EIF2AK1: variants seen among roughly 807,000 people sequenced by gnomAD.
EIF2AK1 encodes eukaryotic translation initiation factor 2 alpha kinase 1.
Under a neutral mutation model 77.9 loss-of-function variants are expected in EIF2AK1, and 54 were observed. That is an observed-to-expected ratio of 0.69 (90% CI 0.56 to 0.87). EIF2AK1 has a LOEUF of 0.87. EIF2AK1 is among the 40% of genes least tolerant of loss of function. The pLI, the probability that EIF2AK1 is intolerant of heterozygous loss-of-function variation, is 0.00. For missense variants in EIF2AK1, 810 were observed against 768.6 expected (o/e 1.05, Z -0.64); for synonymous variants, 314 against 290.5 (o/e 1.08, Z -0.82).
intron 4 of EIF2AK1, 184 bp from the exon 5 acceptor site, chr7:6,047,275 AC>A: frequency 1.4e-6 from 1 of 714,492 alleles, no homozygotes; most frequent in Non-Finnish European, 2.6e-6. Flanking sequence ...CAGGTGTTTT[AC>A]CAGTAACGGG....
In EIF2AK1 at chr7:6,024,516, G is replaced by A; in HGVS notation, c.*157C>T. On this transcript the variant is annotated 3_prime_UTR_variant, in exon 15 of 15. Transcript: ENST00000199389. ...GGAAATTCAGGAAAAGGAGCTTGTG[G>A]GGCAGGAAGGGAAGGAACGGCAGCT... 6.9e-7 allele frequency: 1 copy of A among 1,439,246 alleles called. No homozygotes were observed. The allele number at this position is 1,439,246 out of a possible 1,614,324, so 89.2% of individuals were successfully genotyped here.
At chr7:6,044,422 A>G (rs1788389432) in intron 7 of EIF2AK1, 140 bp downstream of exon 7, 1 of 643,630 alleles carries the variant, frequency 1.6e-6, no homozygotes, top group Non-Finnish European at 2.6e-6. Context: ...TGGGCGACAG[A>G]GTGAGACTCC....
chr7:6,035,920 T>C lies in EIF2AK1; in HGVS notation c.1332+1504A>G. The C allele has an allele frequency of 3.2e-6, 5 of 1,547,394 alleles. No individual in the cohort carries two copies. The highest frequency in any genetic ancestry group is 4.4e-6 in the Non-Finnish European group (5 of 1,144,938). ...GCGGGGGTCAGCTGCATCCGTCTGCTACTCACTCACGGAGCCAAAGTCAAC... is the reference window on the plus strand; with the variant it reads ...GCGGGGGTCAGCTGCATCCGTCTGCCACTCACTCACGGAGCCAAAGTCAAC... On this transcript the variant is annotated intron_variant, in intron 11 of 14. Transcript: ENST00000199389. This position sits in a 1 kb window ranked among gnomAD's most constrained non-coding sequence, Gnocchi z 5.5.
chr7:6,023,102 C>G lies in EIF2AK1; in HGVS notation c.*1571G>C, dbSNP rs1157705856. ...AATACCAGGAATGACTCTTTGGTTA[C>G]TTTTTTAACATAGTTTGCACTTAAA... On this transcript the variant is annotated 3_prime_UTR_variant, in exon 15 of 15. Transcript: ENST00000199389. The G allele has an allele frequency of 1.6e-6, 1 of 610,444 alleles. No individual in the cohort carries two copies. Among genetic ancestry groups the G allele is most frequent in the African/African-American group, 1.9e-5 (1 of 53,770 alleles). 37.8% of individuals were successfully genotyped at this position (610,444 alleles called of 1,614,324 possible). A position where few individuals can be genotyped will look rare whatever the true frequency, so the allele number is the denominator to read the frequency against.
intron 8 of EIF2AK1, among the ~76,000 whole-genome samples, chr7:6,041,861 T>C (rs1045264909): frequency 1.5e-5 from 2 of 137,560 alleles, no homozygotes; most frequent in African/African-American, 5.4e-5. Flanking sequence ...AAAAAGCCAA[T>C]GTATAGGTCT....
intron 1 of EIF2AK1, chr7:6,058,132 G>C (rs1195804885): frequency 4.4e-6 from 2 of 455,676 alleles, no homozygotes; most frequent in Non-Finnish European, 8.8e-6. Flanking sequence ...CTTGGGGGCT[G>C]AGAGTGGTGG....
Position 6,029,032 on chromosome 7 carries a change from G to T in EIF2AK1, c.1333C>A (p.Pro445Thr). The stretch of plus-strand genomic sequence containing the variant: ...GGGCCATGAAGAAAAATATTTCTTG[G>T]CTATCAACAAACAAAACAAGTCAAC... ...NMGIVHRDLK[P>T]RNIFLHGPDQ... Residue 445 changes from proline to threonine, a missense_variant and splice_region_variant, in exon 12 of 15, where the codon CCA (proline) becomes ACA (threonine). Around this residue, in one of 3 missense-constraint regions of EIF2AK1, gnomAD observed 549 missense variants for 533.7 expected, o/e 1.03. Coordinates refer to ENST00000199389, the MANE Select transcript of EIF2AK1 (RefSeq NM_014413.4). The T allele has an allele frequency of 6.2e-7, 1 of 1,605,296 alleles. No individual in the cohort carries two copies. The highest frequency in any genetic ancestry group is 8.5e-7 in the Non-Finnish European group (1 of 1,176,330).
chr7:6,035,326 C>T lies in EIF2AK1; in HGVS notation c.1332+2098G>A, dbSNP rs1788046006. 4 of 1,027,142 alleles carry T rather than the reference C, an allele frequency of 3.9e-6. No individual in the cohort carries two copies. Among genetic ancestry groups the T allele is most frequent in the Non-Finnish European group, 5.6e-6 (4 of 716,510 alleles). The allele number at this position is 1,027,142 out of a possible 1,614,324, so 63.6% of individuals were successfully genotyped here. A position where few individuals can be genotyped will look rare whatever the true frequency, so the allele number is the denominator to read the frequency against. The stretch of plus-strand genomic sequence containing the variant: ...AGCGATACAGATTTTGAAACACGTC[C>T]TTAAGGTAATTGAAGGGTCTTACTT... On this transcript the variant is annotated intron_variant, in intron 11 of 14. Coordinates refer to ENST00000199389, the MANE Select transcript of EIF2AK1 (RefSeq NM_014413.4). This position sits in a 1 kb window ranked among gnomAD's most constrained non-coding sequence, Gnocchi z 5.5.
intron 11 of EIF2AK1, among the ~76,000 whole-genome samples, chr7:6,029,500 A>T (rs1281839703): frequency 2.6e-5 from 4 of 152,102 alleles, no homozygotes; most frequent in African/African-American, 9.7e-5. Flanking sequence ...TCTCAAAAAA[A>T]AAAAAACCTC....
rs1424271658 is a variant in EIF2AK1, at chr7:6,036,102, G to A, written c.1332+1322C>T. The A allele has an allele frequency of 3.9e-6, 6 of 1,550,894 alleles. No individual in the cohort carries two copies. In the East Asian group the frequency reaches 1.5e-4, roughly 38 times the overall value. ...TATGTACCTTCAGCGCAGTTGCAAT[G>A]TAAGAGATACGGCACTTCTGGCCAG... On this transcript the variant is annotated intron_variant, in intron 11 of 14. Transcript: ENST00000199389. The surrounding 1 kb of genome is among the most constrained non-coding windows in gnomAD (Gnocchi z 4.6).
Position 6,035,460 on chromosome 7 carries a change from A to G in EIF2AK1, c.1332+1964T>C. ...CCATTCTAGGGACACGACAGGCCTC[A>G]CCACACTCAACTTAATGCTACTGCA... On this transcript the variant is annotated intron_variant, in intron 11 of 14. Transcript: ENST00000199389. This position sits in a 1 kb window ranked among gnomAD's most constrained non-coding sequence, Gnocchi z 5.5. 1.9e-6 allele frequency: 3 copies of G among 1,550,564 alleles called. No individual in the cohort carries two copies. Among genetic ancestry groups the G allele is most frequent in the South Asian group, 1.2e-5 (1 of 84,054 alleles).
In EIF2AK1 at chr7:6,058,978, G is replaced by A. The variant is rs750754783; in HGVS notation, c.106C>T (p.Pro36Ser). 9 of 1,538,582 alleles carry A rather than the reference G, an allele frequency of 5.8e-6. No individual in the cohort carries two copies. The East Asian group carries it at 1.4e-4, about 23-fold the overall frequency. The change falls in exon 1 of 15, where the codon CCC (proline) becomes TCC (serine). Residue 36 changes from proline (P) to serine (S), a missense_variant. Coordinates refer to ENST00000199389, the MANE Select transcript of EIF2AK1 (RefSeq NM_014413.4). ...AIDFPAEGPDPEYDESDVPAE... is the reference protein window; with the variant it reads ...AIDFPAEGPDSEYDESDVPAE... The stretch of plus-strand genomic sequence containing the variant: ...TCCGATCCCTCACCGTCATATTCGG[G>A]GTCCGGGCCCTCGGCGGGAAAGTCG...
chr7:6,024,164 C>A lies in EIF2AK1; in HGVS notation c.*509G>T. The A allele has an allele frequency of 7.8e-7, 1 of 1,281,880 alleles. No individual in the cohort carries two copies. Among genetic ancestry groups the A allele is most frequent in the Non-Finnish European group, 1.0e-6 (1 of 984,542 alleles). The allele number at this position is 1,281,880 out of a possible 1,614,324, so 79.4% of individuals were successfully genotyped here. A position where few individuals can be genotyped will look rare whatever the true frequency, so the allele number is the denominator to read the frequency against. On this transcript the variant is annotated 3_prime_UTR_variant, in exon 15 of 15. Coordinates refer to ENST00000199389, the MANE Select transcript of EIF2AK1 (RefSeq NM_014413.4). ...AAGGTTGGAAGTTGCACACTGTACA[C>A]TGTTAAGAAGTTGAGCTTTTATCTT...
Position 6,023,749 on chromosome 7 carries a change from A to G in EIF2AK1, c.*924T>C, listed in dbSNP as rs548198703. On this transcript the variant is annotated 3_prime_UTR_variant, in exon 15 of 15. Transcript: ENST00000199389. ...TTAAGAATGGTGCTCTTTCATGCCT[A>G]TTATCAGTAAGGGGACTTGTATTAG... 8.1e-6 allele frequency: 13 copies of G among 1,612,740 alleles called. No homozygotes were observed. Among genetic ancestry groups the G allele is most frequent in the East Asian group, 2.2e-5 (1 of 44,884 alleles).
chr7:6,055,489 C>G (rs1048420768), intron 1 of EIF2AK1, among the ~76,000 whole-genome samples: 1 of 151,838 alleles, frequency 6.6e-6, no homozygotes, highest in Non-Finnish European at 1.5e-5. Flanking sequence ...AAGTGTTCAT[C>G]CTCATTTTAC....
At chr7:6,046,423 T>C (rs1161795867) in intron 5 of EIF2AK1, 2 of 227,136 alleles carry the variant, frequency 8.8e-6, no homozygotes, top group Non-Finnish European at 1.7e-5. Context: ...ACAACTTTTT[T>C]TGGTAACACA....
intron 9 of EIF2AK1, 129 bp downstream of exon 9, chr7:6,040,763 G>A: frequency 6.5e-6 from 5 of 772,876 alleles, no homozygotes; most frequent in Non-Finnish European, 1.1e-5. Context: ...ATGGCAAGGG[G>A]AACATGGCCA....
chr7:6,046,239 C>A, intron 5 of EIF2AK1, 88 bp from the exon 6 acceptor site: 1 of 657,534 alleles, frequency 1.5e-6, no homozygotes, highest in East Asian at 3.3e-5. Context: ...TTAGACAATC[C>A]AAACTAGCCA....
At position 6,028,970 on chromosome 7, in the gene EIF2AK1, G is replaced by T; in HGVS notation, c.1395C>A (p.Ala465=). Residue 465 remains alanine, a synonymous_variant, in exon 12 of 15, where the codon GCC becomes GCA. Transcript: ENST00000199389. ...QQVKIGDFGL[A]CTDILQKNTD... is the part of the protein sequence containing the mutation. ...TGTTCTTCTGTAGGATGTCTGTGCA[G>T]GCCAGACCAAAGTCTCCTATTTTTA... 3 of 1,612,750 alleles carry T rather than the reference G, an allele frequency of 1.9e-6. No homozygotes were observed. Among genetic ancestry groups the T allele is most frequent in the Non-Finnish European group, 2.5e-6 (3 of 1,179,764 alleles).
Sources: gnomAD v4.1 joint callset for allele counts (sites outside exome capture counted in the v4.1 genomes callset) on GRCh38, gnomAD v4.1.1 for gene constraint, gnomAD v4.1.1 regional missense constraint, Gnocchi (gnomAD v3.1) non-coding constraint, MANE v1.5 for transcripts, NCBI Gene and HGNC (gene_info 2026-07-23, HGNC 2026-07-21) for gene names.